HORMAD2: variants seen among roughly 807,000 people sequenced by gnomAD.
The protein encoded by HORMAD2 is HORMA domain-containing protein 2.
A neutral mutation model predicts 38.8 loss-of-function variants in HORMAD2; 45 were observed. The observed-to-expected ratio is 1.16, with a 90% CI of 0.91 to 1.49. HORMAD2 has a LOEUF of 1.49. Ranked by LOEUF, HORMAD2 falls within the 40% of genes most tolerant of loss-of-function variation. HORMAD2 has a pLI of 0.00. For missense variants in HORMAD2, 338 were observed against 367.0 expected (o/e 0.92, Z 0.65); for synonymous variants, 126 against 122.8 (o/e 1.03, Z -0.17).
downstream of HORMAD2, among the ~76,000 whole-genome samples, chr22:30,179,748 C>G (rs1238584754): frequency 6.6e-6 from 1 of 152,192 alleles, no homozygotes; most frequent in East Asian, 1.9e-4. Flanking sequence ...GAGATTTGCT[C>G]AATAGAGGAT....
At position 30,121,735 on chromosome 22, in the gene HORMAD2, G is replaced by C; in HGVS notation, c.514G>C (p.Glu172Gln). 1 of 1,612,614 alleles carries C rather than the reference G, an allele frequency of 6.2e-7. No individual in the cohort carries two copies. Among genetic ancestry groups the C allele is most frequent in the Non-Finnish European group, 8.5e-7 (1 of 1,179,250 alleles). ...RKLYILMQDL[E>Q]PLPNNVVLTM... Reference sequence around the variant, plus strand: ...ATTGTATATACTGATGCAGGACCTTGAGCCACTTCCTAATAATGTTGTACT... The same window carrying C: ...ATTGTATATACTGATGCAGGACCTTCAGCCACTTCCTAATAATGTTGTACT... Residue 172 changes from glutamate to glutamine, a missense_variant, in exon 9 of 11, where the codon GAG (glutamate) becomes CAG (glutamine). Glu to Gln is a conservative substitution (Grantham distance 29). Coordinates refer to ENST00000336726, the MANE Select transcript of HORMAD2 (RefSeq NM_152510.4).
intron 10 of HORMAD2, among the ~76,000 whole-genome samples, chr22:30,174,512 AT>A (rs1926313605): frequency 6.6e-6 from 1 of 152,206 alleles, no homozygotes; most frequent in African/African-American, 2.4e-5. Context: ...TTACCTTGAG[AT>A]ATTGAAGATA....
chr22:30,143,552 G>C (rs532050668), intron 10 of HORMAD2, among the ~76,000 whole-genome samples: 1 of 151,906 alleles, frequency 6.6e-6, no homozygotes, highest in South Asian at 2.1e-4. Flanking sequence ...TCGTTATAGG[G>C]GTTCCTTTGT....
intron 10 of HORMAD2, among the ~76,000 whole-genome samples, chr22:30,148,923 G>A (rs1477687587): frequency 1.3e-5 from 2 of 152,114 alleles, no homozygotes; most frequent in African/African-American, 4.8e-5. Flanking sequence ...AGCTTGCAGT[G>A]AGCTGAGATA....
At chr22:30,158,623 C>T (rs1301449173) in intron 10 of HORMAD2, among the ~76,000 whole-genome samples, 1 of 129,316 alleles carries the variant, frequency 7.7e-6, no homozygotes, top group African/African-American at 2.9e-5. Context: ...CCCTCCCTCC[C>T]TCCCTTCCTC....
At chr22:30,132,453 T>C (rs1923348538) in intron 10 of HORMAD2, among the ~76,000 whole-genome samples, 1 of 151,622 alleles carries the variant, frequency 6.6e-6, no homozygotes, top group Non-Finnish European at 1.5e-5. Flanking sequence ...CGAGAATCGT[T>C]TGAACCTGGG....
In HORMAD2 at chr22:30,093,976, C is replaced by G; in HGVS notation, c.24C>G (p.His8Gln). The G allele has an allele frequency of 6.2e-7, 1 of 1,608,160 alleles. No homozygotes were observed. Among genetic ancestry groups the G allele is most frequent in the Non-Finnish European group, 8.5e-7 (1 of 1,176,330 alleles). The change falls in exon 2 of 11, where the codon CAC becomes CAG. Residue 8 changes from histidine to glutamine, a missense_variant. Transcript: ENST00000336726. The stretch of plus-strand genomic sequence containing the variant: ...CAATGGCCACTGCTCAGCTTTCTCA[C>G]TGCATCACAATACACAAGGCTTCTA... Reference protein sequence around the residue: MATAQLSHCITIHKASKE... With the variant: MATAQLSQCITIHKASKE...
At chr22:30,105,484 A>G (rs1921120844) in intron 5 of HORMAD2, 1 of 152,444 alleles carries the variant, frequency 6.6e-6, no homozygotes, top group Admixed American at 6.5e-5. Context: ...CACTTTCTCC[A>G]TCTATGTCTT....
intron 10 of HORMAD2, 105 bp downstream of exon 10, chr22:30,122,319 T>A: frequency 9.2e-7 from 1 of 1,091,972 alleles, no homozygotes; most frequent in Non-Finnish European, 1.3e-6. Flanking sequence ...CTATAAAAAC[T>A]GAAACAAAAC....
intron 1 of HORMAD2, among the ~76,000 whole-genome samples, chr22:30,087,961 TTCTC>T (rs1489155314): frequency 6.6e-6 from 1 of 151,312 alleles, no homozygotes. Flanking sequence ...TGCTGGTTAT[TTCTC>T]TCTCTCTCTC....
intron 10 of HORMAD2, among the ~76,000 whole-genome samples, chr22:30,139,254 C>CTCTATATA (rs1261439013): frequency 3.1e-5 from 3 of 96,774 alleles, no homozygotes; most frequent in African/African-American, 1.5e-4. Context: ...ATGAACTGTA[C>CTCTATATA]TATATATATA....
At chr22:30,158,603 C>T (rs55909994) in intron 10 of HORMAD2, among the ~76,000 whole-genome samples, 32 of 39,820 alleles carry the variant, frequency 8.0e-4, no homozygotes, top group Admixed American at 2.3e-3. Flanking sequence ...CCTTCCCTCC[C>T]TCCCTCCGTC....
At chr22:30,094,138 A>T (rs1337248099) in intron 2 of HORMAD2, 135 bp downstream of exon 2, 1 of 606,900 alleles carries the variant, frequency 1.6e-6, no homozygotes, top group African/African-American at 1.9e-5. Context: ...CTGGGAGAGT[A>T]TGTGTACATT....
chr22:30,132,153 T>A (rs1208655816), intron 10 of HORMAD2, among the ~76,000 whole-genome samples: 2 of 152,166 alleles, frequency 1.3e-5, no homozygotes, highest in African/African-American at 2.4e-5. Flanking sequence ...TAGCATCACA[T>A]CTCCTGAAGC....
intron 10 of HORMAD2, among the ~76,000 whole-genome samples, chr22:30,171,960 A>G (rs1474295577): frequency 1.3e-5 from 2 of 152,180 alleles, no homozygotes; most frequent in African/African-American, 4.8e-5. Flanking sequence ...GAGGCTAGGC[A>G]CAGCCAGGGC....
intron 7 of HORMAD2, among the ~76,000 whole-genome samples, chr22:30,115,688 A>G (rs374289127): frequency 1.1e-4 from 17 of 152,212 alleles, no homozygotes; most frequent in East Asian, 7.7e-4. Context: ...GAGGTAGGAT[A>G]AACAATAAAT....
rs1430247432 is a variant in HORMAD2, at chr22:30,121,624, C to T, written c.411-8C>T. On this transcript the variant is annotated splice_region_variant and splice_polypyrimidine_tract_variant and intron_variant, in intron 8 of 10. Transcript: ENST00000336726. ...ATGATCAAAAAGTATGCTTTTTTTT[C>T]TGTGTAGTCATAGCAGCAGTACAAG... The T allele has an allele frequency of 1.9e-6, 3 of 1,558,622 alleles. No individual in the cohort carries two copies. The Admixed American group carries it at 6.2e-5, about 32-fold the overall frequency.
intron 10 of HORMAD2, among the ~76,000 whole-genome samples, chr22:30,155,089 A>AAAG (rs1924985618): frequency 6.6e-6 from 1 of 151,600 alleles, no homozygotes; most frequent in African/African-American, 2.4e-5. Context: ...AAAAAAAAAA[A>AAAG]AAAGAAAGAA....
At chr22:30,160,180 G>A (rs1925357061) in intron 10 of HORMAD2, among the ~76,000 whole-genome samples, 1 of 151,726 alleles carries the variant, frequency 6.6e-6, no homozygotes, top group Non-Finnish European at 1.5e-5. Context: ...CTGCCACTGT[G>A]CCCTGCCCTT....
Sources: allele counts gnomAD v4.1 joint callset (sites outside exome capture counted in the v4.1 genomes callset), GRCh38; gene constraint gnomAD v4.1.1; transcripts MANE v1.5; gene names NCBI Gene and HGNC (gene_info 2026-07-23, HGNC 2026-07-21).